NSUN3: variants seen among roughly 807,000 people sequenced by gnomAD.
The protein encoded by NSUN3 is NOP2/Sun RNA methyltransferase 3.
Under a neutral mutation model 36.8 loss-of-function variants are expected in NSUN3, and 24 were observed. That is an observed-to-expected ratio of 0.65 (90% CI 0.47 to 0.92). NSUN3 has a LOEUF of 0.92. Among genes scored for constraint, NSUN3 ranks in the 40% least tolerant of loss-of-function variants. The pLI is 0.00. For synonymous variants in NSUN3, 146 were observed against 145.2 expected (o/e 1.01, Z -0.04); for missense variants, 381 against 392.8 (o/e 0.97, Z 0.25).
chr3:94,074,307 G>C (rs1181764447), intron 2 of NSUN3, among the ~76,000 whole-genome samples: 3 of 151,862 alleles, frequency 2.0e-5, no homozygotes, highest in Non-Finnish European at 4.4e-5. Flanking sequence ...TCCATATGAA[G>C]TTTAAAGTAT....
Position 94,095,050 on chromosome 3 carries a change from G to A in NSUN3, c.639G>A (p.Pro213=), listed in dbSNP as rs781125666. Residue 213 remains proline, a synonymous_variant, in exon 5 of 6, where the codon CCG becomes CCA. Coordinates refer to ENST00000314622, the MANE Select transcript of NSUN3 (RefSeq NM_022072.5). ...EMFDKVLVDA[P]CSNDRSWLFS... is the part of the protein sequence containing the mutation. ...TTCTCTAGGTGTTAGTGGATGCTCC[G>A]TGTTCAAATGATCGAAGCTGGTTGT... 1.1e-5 allele frequency: 18 copies of A among 1,613,724 alleles called. No individual in the cohort carries two copies. The highest frequency in any genetic ancestry group is 3.3e-5 in the South Asian group (3 of 91,070).
intron 5 of NSUN3, among the ~76,000 whole-genome samples, chr3:94,118,405 A>G (rs2077448979): frequency 6.6e-6 from 1 of 152,068 alleles, no homozygotes; most frequent in Admixed American, 6.6e-5. Flanking sequence ...TAGTCATGAC[A>G]TTTTTCTGAC....
intron 2 of NSUN3, among the ~76,000 whole-genome samples, chr3:94,073,624 T>C (rs2077234658): frequency 6.6e-6 from 1 of 152,254 alleles, no homozygotes; most frequent in East Asian, 1.9e-4. Flanking sequence ...TCTGTTCATA[T>C]CCTTTGCTCA....
chr3:94,110,308 T>A lies in NSUN3; in HGVS notation c.743+15154T>A, dbSNP rs1393957352. Among the ~76,000 whole-genome samples the A allele has an allele frequency of 2.6e-5, 4 of 151,546 alleles. No individual in the cohort carries two copies. In the South Asian group the frequency reaches 8.4e-4, roughly 32 times the overall value. On this transcript the variant is annotated intron_variant, in intron 5 of 5. Coordinates refer to ENST00000314622, the MANE Select transcript of NSUN3 (RefSeq NM_022072.5). The stretch of plus-strand genomic sequence containing the variant: ...GATAGGAAGTTATCAGTGATAACTT[T>A]CATTGATAGGAAGTTATCAGTGATA...
chr3:94,077,859 A>G (rs954762961), intron 2 of NSUN3, among the ~76,000 whole-genome samples: 1 of 152,030 alleles, frequency 6.6e-6, no homozygotes, highest in Admixed American at 6.6e-5. Flanking sequence ...CTAGCAGTCT[A>G]TCTATTTTGT....
At chr3:94,099,681 A>G (rs73846085) in intron 5 of NSUN3, among the ~76,000 whole-genome samples, 1 of 152,186 alleles carries the variant, frequency 6.6e-6, no homozygotes, top group African/African-American at 2.4e-5. Flanking sequence ...TCCAAGCTAT[A>G]GGCAGAGAAA....
chr3:94,092,581 C>A (rs974648778), intron 3 of NSUN3, among the ~76,000 whole-genome samples: 2 of 151,918 alleles, frequency 1.3e-5, no homozygotes, highest in African/African-American at 4.8e-5. Context: ...AAAATTGATG[C>A]CATCTCCTGA....
intron 2 of NSUN3, among the ~76,000 whole-genome samples, chr3:94,069,589 T>A (rs1358023945): frequency 6.6e-6 from 1 of 152,076 alleles, no homozygotes; most frequent in Non-Finnish European, 1.5e-5. Context: ...GAGAGTAGAG[T>A]AGTAGGAAAA....
In NSUN3 at chr3:94,093,859, ATAAAAT is replaced by A. The variant is rs530446652; in HGVS notation, c.467-276_467-271del. ...TAATTTTTTATAGGTTTTACCTCTA[ATAAAAT>A]TAAACTTGGTGGAGCAAATGCTGAG... is the stretch of plus-strand genomic sequence containing the variant. On this transcript the variant is annotated intron_variant, in intron 3 of 5. Transcript: ENST00000314622. Among the ~76,000 whole-genome samples, 24 of 152,362 alleles carry A rather than the reference ATAAAAT, an allele frequency of 1.6e-4. No homozygotes were observed. In the East Asian group the frequency reaches 3.9e-3, roughly 24 times the overall value.
intron 5 of NSUN3, among the ~76,000 whole-genome samples, chr3:94,105,766 C>T (rs966078450): frequency 7.2e-5 from 11 of 152,086 alleles, no homozygotes; most frequent in Non-Finnish European, 8.8e-5. Flanking sequence ...CACACACACA[C>T]GGTTTGAATA....
chr3:94,108,650 C>T (rs548048414), intron 5 of NSUN3, among the ~76,000 whole-genome samples: 127 of 151,040 alleles, frequency 8.4e-4, no homozygotes, highest in African/African-American at 2.8e-3. Context: ...TGAGCCACCG[C>T]GCCTGGCCTT....
At chr3:94,072,951 C>T (rs915311814) in intron 2 of NSUN3, among the ~76,000 whole-genome samples, 11 of 152,088 alleles carry the variant, frequency 7.2e-5, no homozygotes, top group Admixed American at 7.2e-4. Flanking sequence ...TATCTGTCCC[C>T]CAGCCCCTCA....
rs140763772 is a variant in NSUN3, at chr3:94,073,519, A to C, written c.122+8973A>C. The stretch of plus-strand genomic sequence containing the variant: ...TCTAACTGGTGTGAGATGGTATTTC[A>C]TTGTGGTTTTGATTTGTATTTCTCT... On this transcript the variant is annotated intron_variant, in intron 2 of 5. Coordinates refer to ENST00000314622, the MANE Select transcript of NSUN3 (RefSeq NM_022072.5). Among the ~76,000 whole-genome samples, 336 of 152,100 alleles carry C rather than the reference A, an allele frequency of 2.2e-3. 1 individual carries two copies. The highest frequency in any genetic ancestry group is 0.014 in the Middle Eastern group (4 of 294).
intron 2 of NSUN3, among the ~76,000 whole-genome samples, chr3:94,068,103 G>C (rs1035784435): frequency 1.3e-5 from 2 of 151,934 alleles, no homozygotes; most frequent in African/African-American, 4.8e-5. Context: ...TATGACCTAG[G>C]TGAGTTAATA....
chr3:94,107,500 T>C (rs1353263332), intron 5 of NSUN3, among the ~76,000 whole-genome samples: 1 of 152,138 alleles, frequency 6.6e-6, no homozygotes, highest in Non-Finnish European at 1.5e-5. Flanking sequence ...TTACCCAGGC[T>C]GGTCTCAAAC....
In NSUN3 at chr3:94,072,317, G is replaced by C. The variant is rs144541533; in HGVS notation, c.122+7771G>C. On this transcript the variant is annotated intron_variant, in intron 2 of 5. Coordinates refer to ENST00000314622, the MANE Select transcript of NSUN3 (RefSeq NM_022072.5). The stretch of plus-strand genomic sequence containing the variant: ...CTGATTTTGAATCAGATACTTCTGC[G>C]TACTAGCAATGTGACCTCAGGTAAG... 2.2e-4 allele frequency among the ~76,000 whole-genome samples: 33 copies of C among 152,208 alleles called. No individual in the cohort carries two copies. The East Asian group carries it at 4.6e-3, about 21-fold the overall frequency.
At chr3:94,114,271 T>A (rs1429250669) in intron 5 of NSUN3, among the ~76,000 whole-genome samples, 1 of 152,158 alleles carries the variant, frequency 6.6e-6, no homozygotes, top group Non-Finnish European at 1.5e-5. Flanking sequence ...AAGCTTGAGG[T>A]CCTCTTTCCG....
chr3:94,107,872 A>G (rs954954140), intron 5 of NSUN3, among the ~76,000 whole-genome samples: 2 of 151,106 alleles, frequency 1.3e-5, no homozygotes, highest in Non-Finnish European at 2.9e-5. Flanking sequence ...TTAACAGGCT[A>G]TTTTACTTTC....
intron 5 of NSUN3, among the ~76,000 whole-genome samples, chr3:94,117,236 GT>G (rs538175012): frequency 1.3e-4 from 19 of 151,960 alleles, no homozygotes; most frequent in Non-Finnish European, 2.5e-4. Flanking sequence ...CTGACCACAA[GT>G]GATCTGTCCC....
Sources: allele counts gnomAD v4.1 joint callset (sites outside exome capture counted in the v4.1 genomes callset), GRCh38; gene constraint gnomAD v4.1.1; transcripts MANE v1.5; gene names NCBI Gene and HGNC (gene_info 2026-07-23, HGNC 2026-07-21).